The following TMCO4 variants were observed in gnomAD, a reference collection of about 807,000 sequenced individuals.
TMCO4 encodes the protein transmembrane and coiled-coil domain-containing protein 4.
In TMCO4, 58 loss-of-function variants were observed where a neutral mutation model predicts 64.7. The observed-to-expected ratio is 0.90, with a 90% CI of 0.73 to 1.12. The LOEUF (loss-of-function observed/expected upper bound fraction) is 1.12, where lower values mean the gene tolerates loss of function less well. Among genes scored for constraint, TMCO4 ranks in the 50% most tolerant of loss-of-function variants. The pLI is 0.00. For synonymous variants in TMCO4, 325 were observed against 346.1 expected (o/e 0.94, Z 0.68); for missense variants, 780 against 825.9 (o/e 0.94, Z 0.68).
intron 13 of TMCO4, among the ~76,000 whole-genome samples, chr1:19,705,751 G>A (rs1201700618): frequency 6.6e-6 from 1 of 151,546 alleles, no homozygotes; most frequent in African/African-American, 2.4e-5. Flanking sequence ...ATTTAGGTTA[G>A]GAAAAAGACG....
chr1:19,784,845 T>TA (rs34693780), intron 3 of TMCO4, among the ~76,000 whole-genome samples: 2,852 of 97,860 alleles, frequency 0.029, 166 homozygotes, highest in African/African-American at 0.097. Context: ...GCTGATGCAC[T>TA]AAAAAAAAAA....
chr1:19,684,828 C>T (rs765445796), intron 15 of TMCO4, among the ~76,000 whole-genome samples: 6 of 152,168 alleles, frequency 3.9e-5, no homozygotes, highest in Non-Finnish European at 8.8e-5. Context: ...CTCTTCTTCC[C>T]TCATGTCCTC....
intron 15 of TMCO4, 81 bp from the exon 16 acceptor site, chr1:19,683,525 C>A: frequency 6.6e-7 from 1 of 1,518,604 alleles, no homozygotes; most frequent in Non-Finnish European, 8.9e-7. Context: ...AACTTCTGGG[C>A]CTCAGCCTTG....
At position 19,780,612 on chromosome 1, in the gene TMCO4, G is replaced by C; in HGVS notation, c.147C>G (p.Ser49=). 6.2e-7 allele frequency: 1 copy of C among 1,611,488 alleles called. No homozygotes were observed. The highest frequency in any genetic ancestry group is 1.3e-5 in the African/African-American group (1 of 74,876). Residue 49 remains serine, a synonymous_variant, in exon 4 of 16, where the codon TCC becomes TCG. Coordinates refer to ENST00000294543, the MANE Select transcript of TMCO4 (RefSeq NM_181719.7). ...CGGGTTCAGGAAATAACTGGGACAG[G>C]GAGATGCCACAGAGGGCAGCATAGG... is the stretch of plus-strand genomic sequence containing the variant. ...RFAYAALCGI[S]LSQLFPEPEH...
At chr1:19,777,465 A>G (rs1400446260) in intron 4 of TMCO4, among the ~76,000 whole-genome samples, 3 of 151,146 alleles carry the variant, frequency 2.0e-5, no homozygotes, top group African/African-American at 7.3e-5. Flanking sequence ...CTTGTGCCTC[A>G]TCCTACCTAG....
intron 2 of TMCO4, among the ~76,000 whole-genome samples, chr1:19,793,171 C>T (rs577654993): frequency 1.2e-4 from 19 of 152,132 alleles, no homozygotes; most frequent in African/African-American, 4.6e-4. Flanking sequence ...CCTTGCAGCT[C>T]CTGGACCCCA....
rs576970847 is a variant in TMCO4 at position 19,744,546 on chromosome 1, G to A, written c.877+986C>T. Among the ~76,000 whole-genome samples the A allele has an allele frequency of 3.9e-5, 6 of 152,208 alleles. No homozygotes were observed. The South Asian group carries it at 1.2e-3, about 32-fold the overall frequency. ...GAAAGTCCTTTGCTCTCTTCCACTTGCTCTGAGGACAAATTCAAACTTCTT... is the reference window on the plus strand; with the variant it reads ...GAAAGTCCTTTGCTCTCTTCCACTTACTCTGAGGACAAATTCAAACTTCTT... On this transcript the variant is annotated intron_variant, in intron 10 of 15. Coordinates refer to ENST00000294543, the MANE Select transcript of TMCO4 (RefSeq NM_181719.7).
intron 5 of TMCO4, 58 bp downstream of exon 5, chr1:19,771,250 T>C: frequency 1.3e-6 from 2 of 1,555,496 alleles, no homozygotes; most frequent in South Asian, 1.2e-5. Context: ...AGGCTAACAT[T>C]GAAAGAAAAT....
intron 2 of TMCO4, among the ~76,000 whole-genome samples, chr1:19,796,995 C>T (rs2044340012): frequency 6.6e-6 from 1 of 152,226 alleles, no homozygotes; most frequent in African/African-American, 2.4e-5. Flanking sequence ...ATCCCTGATA[C>T]ATCCTAGGAC....
chr1:19,698,582 C>T (rs1051017862), intron 14 of TMCO4, among the ~76,000 whole-genome samples: 6 of 152,280 alleles, frequency 3.9e-5, no homozygotes, highest in Admixed American at 3.9e-4. Context: ...TCCCTCTTAC[C>T]CTCCATGTTT....
intron 6 of TMCO4, among the ~76,000 whole-genome samples, chr1:19,759,291 A>C (rs149935217): frequency 6.6e-6 from 1 of 151,872 alleles, no homozygotes; most frequent in South Asian, 2.1e-4. Context: ...CCACCGCCAC[A>C]GCCACAGCCC....
chr1:19,765,471 G>C (rs1259500977), intron 6 of TMCO4, among the ~76,000 whole-genome samples: 1 of 138,062 alleles, frequency 7.2e-6, no homozygotes, highest in Admixed American at 7.2e-5. Context: ...AGCCATTTCT[G>C]GTTATCGCAG....
chr1:19,682,412 G>C lies in TMCO4; in HGVS notation c.*628C>G, dbSNP rs777383161. 2.7e-4 allele frequency: 151 copies of C among 562,128 alleles called. No homozygotes were observed. The highest frequency in any genetic ancestry group is 4.1e-4 in the Non-Finnish European group (129 of 313,352). The allele number at this position is 562,128 out of a possible 1,614,324, so 34.8% of individuals were successfully genotyped here. On this transcript the variant is annotated 3_prime_UTR_variant, in exon 16 of 16. Coordinates refer to ENST00000294543, the MANE Select transcript of TMCO4 (RefSeq NM_181719.7). The stretch of plus-strand genomic sequence containing the variant: ...GGTGTCCAGATGTTGCATGACGGGG[G>C]AGCACACTCACATTGTGTCTGTGTG...
In TMCO4 at chr1:19,781,144, C is replaced by CAAA. The variant is rs535767635; in HGVS notation, c.-8-381_-8-379dup. On this transcript the variant is annotated intron_variant, in intron 3 of 15. Transcript: ENST00000294543. ...TGGCTGACAGAGCGAGACTCCATCT[C>CAAA]AAAAAAAAAAAAAAAAAAAAAAAGA... 2.5e-3 allele frequency among the ~76,000 whole-genome samples: 130 copies of CAAA among 52,518 alleles called. 2 individuals carry two copies. The East Asian group carries it at 0.031, about 13-fold the overall frequency. The allele number at this position is 52,518 out of a possible 152,430, so 34.5% of individuals were successfully genotyped here.
chr1:19,798,823 C>T (rs947351150), intron 1 of TMCO4, among the ~76,000 whole-genome samples: 6 of 152,212 alleles, frequency 3.9e-5, no homozygotes, highest in African/African-American at 9.7e-5. Context: ...GCTGTATCCT[C>T]GTTGCCTAAA....
At chr1:19,794,048 C>G (rs75553945) in intron 2 of TMCO4, among the ~76,000 whole-genome samples, 1 of 151,988 alleles carries the variant, frequency 6.6e-6, no homozygotes, top group Non-Finnish European at 1.5e-5. Flanking sequence ...CTCTGCCCCC[C>G]ACCCCTGCCG....
chr1:19,783,069 CAAAT>C (rs2043567093), intron 3 of TMCO4, among the ~76,000 whole-genome samples: 1 of 152,194 alleles, frequency 6.6e-6, no homozygotes, highest in Admixed American at 6.5e-5. Context: ...GATCAACAAA[CAAAT>C]AAGTAAAATG....
intron 6 of TMCO4, among the ~76,000 whole-genome samples, chr1:19,761,739 A>G (rs1445413655): frequency 6.6e-6 from 1 of 152,188 alleles, no homozygotes; most frequent in Admixed American, 6.5e-5. Context: ...TACTTTTAAC[A>G]ACACTCCCCA....
chr1:19,749,811 C>A (rs2041949363), intron 7 of TMCO4, among the ~76,000 whole-genome samples: 1 of 152,228 alleles, frequency 6.6e-6, no homozygotes, highest in African/African-American at 2.4e-5. Context: ...TACAGCCAAT[C>A]TGCAATGGAC....
Sources: gnomAD v4.1 joint callset for allele counts (sites outside exome capture counted in the v4.1 genomes callset) on GRCh38, gnomAD v4.1.1 for gene constraint, MANE v1.5 for transcripts, NCBI Gene and HGNC (gene_info 2026-07-23, HGNC 2026-07-21) for gene names.